The following ARHGEF18 variants were observed in gnomAD, a reference collection of about 807,000 sequenced individuals.
The protein encoded by ARHGEF18 is rho guanine nucleotide exchange factor 18.
ARHGEF18 carries 93 observed loss-of-function variants against 155.7 expected under a neutral mutation model. The observed-to-expected ratio is 0.60, with a 90% confidence interval of 0.50 to 0.71. The LOEUF (loss-of-function observed/expected upper bound fraction) is 0.71, where lower values mean the gene tolerates loss of function less well. Among genes scored for constraint, ARHGEF18 ranks in the 30% least tolerant of loss-of-function variants. ARHGEF18 has a pLI of 0.00. For missense variants in ARHGEF18, 1,593 were observed against 1,816.1 expected, an observed-to-expected ratio of 0.88 and a Z score of 2.23; for synonymous variants, 742 against 753.1, an observed-to-expected ratio of 0.99 and a Z score of 0.24.
chr19:7,397,188 A>G (rs1971760265), intron 10 of ARHGEF18, among the ~76,000 whole-genome samples: 1 of 151,508 alleles, frequency 6.6e-6, no homozygotes, highest in Non-Finnish European at 1.5e-5. Flanking sequence ...CATTTTTGTA[A>G]ACGTTACTTT....
chr19:7,476,083 G>A (rs774164404), downstream of ARHGEF18, among the ~76,000 whole-genome samples: 49 of 152,360 alleles, frequency 3.2e-4, no homozygotes, highest in Admixed American at 7.8e-4. Flanking sequence ...GGCCGAGGCA[G>A]GCAGCTCACT....
At position 7,463,442 on chromosome 19, in the gene ARHGEF18, G is replaced by A. The variant is rs1976412697; in HGVS notation, c.2636-376G>A. 2.0e-5 allele frequency among the ~76,000 whole-genome samples: 3 copies of A among 152,180 alleles called. No homozygotes were observed. In the South Asian group the frequency reaches 6.2e-4, roughly 31 times the overall value. ...ATATGGCCATTGTCACACAATCAGT[G>A]TATGGTCATTGTCATATAACACACC... On this transcript the variant is annotated intron_variant, in intron 21 of 28. Coordinates refer to ENST00000668164, the MANE Select transcript of ARHGEF18 (RefSeq NM_001367823.1). This position sits in a 1 kb window ranked among gnomAD's most constrained non-coding sequence, Gnocchi z 5.2.
At chr19:7,416,578 T>TGTGTGTGTGTGTGTG (rs1555714166) in intron 10 of ARHGEF18, among the ~76,000 whole-genome samples, 2 of 132,572 alleles carry the variant, frequency 1.5e-5, no homozygotes, top group African/African-American at 3.0e-5. Context: ...TGTGTGTGTG[T>TGTGTGTGTGTGTGTG]TTTGGGGTGG....
intron 1 of ARHGEF18, among the ~76,000 whole-genome samples, chr19:7,353,514 C>T (rs188554127): frequency 6.4e-4 from 94 of 147,890 alleles, no homozygotes; most frequent in African/African-American, 2.2e-3. Flanking sequence ...CACTTGAACC[C>T]GGGAGGCAGA....
chr19:7,460,344 G>A (rs1976137390), intron 20 of ARHGEF18, among the ~76,000 whole-genome samples: 1 of 151,960 alleles, frequency 6.6e-6, no homozygotes. Flanking sequence ...AATAGCACAG[G>A]GTCCCCACAG....
chr19:7,378,684 CTTTTTTTTTTTT>C (rs548305968), intron 6 of ARHGEF18, among the ~76,000 whole-genome samples: 9 of 88,134 alleles, frequency 1.0e-4, no homozygotes, highest in African/African-American at 2.1e-4. Context: ...ACAATTGTGG[CTTTTTTTTTTTT>C]TTTTTTTTTT....
chr19:7,357,786 G>A (rs1969370017), intron 1 of ARHGEF18, among the ~76,000 whole-genome samples: 1 of 152,038 alleles, frequency 6.6e-6, no homozygotes, highest in Non-Finnish European at 1.5e-5. Flanking sequence ...GCTTGAGAGA[G>A]GAGAACTGAG....
chr19:7,410,830 G>T (rs1242502994), intron 10 of ARHGEF18, among the ~76,000 whole-genome samples: 1 of 102,730 alleles, frequency 9.7e-6, no homozygotes, highest in Non-Finnish European at 2.1e-5. Context: ...AAAAAAAAAG[G>T]TTTTTCACCC....
the ARHGEF18 span, chr19:7,478,219 C>A: frequency 7.4e-7 from 1 of 1,354,114 alleles, no homozygotes; most frequent in Admixed American, 2.0e-5. Flanking sequence ...GCACAACAGT[C>A]CCCAGCATGG....
In ARHGEF18 at chr19:7,470,103, T is replaced by C; in HGVS notation, c.3914-23T>C. On this transcript the variant is annotated intron_variant, in intron 28 of 28. Transcript: ENST00000668164. This position sits in a 1 kb window ranked among gnomAD's most constrained non-coding sequence, Gnocchi z 5.9. Reference sequence around the variant, plus strand: ...GCGGCACCACCCGGCGACTGCTCAGTCTGAACCCTCTCTCTGTTCCAGACC... The same window carrying C: ...GCGGCACCACCCGGCGACTGCTCAGCCTGAACCCTCTCTCTGTTCCAGACC... The C allele has an allele frequency of 5.6e-6, 9 of 1,612,056 alleles. No homozygotes were observed. Among genetic ancestry groups the C allele is most frequent in the Non-Finnish European group, 7.6e-6 (9 of 1,179,618 alleles).
intron 1 of ARHGEF18, among the ~76,000 whole-genome samples, chr19:7,353,643 C>T (rs569069119): frequency 6.6e-6 from 1 of 151,460 alleles, no homozygotes; most frequent in Admixed American, 6.6e-5. Flanking sequence ...AATAGATATC[C>T]CTGTTGTATT....
At chr19:7,432,109 C>A (rs1974002634) in intron 10 of ARHGEF18, among the ~76,000 whole-genome samples, 1 of 151,906 alleles carries the variant, frequency 6.6e-6, no homozygotes, top group Non-Finnish European at 1.5e-5. Flanking sequence ...CCTTTTTATT[C>A]TTTTTAATAC....
chr19:7,383,085 G>A lies in ARHGEF18; in HGVS notation c.849G>A (p.Lys283=). ...KEKGKSPAHL[K]DKGQDARERR... is the part of the protein sequence containing the mutation. ...AGGGGAAGAGCCCAGCACATCTGAA[G>A]GACAAGGGCCAGGATGCACGAGAGA... The change falls in exon 10 of 29, where the codon AAG becomes AAA. Residue 283 remains lysine (K), a synonymous_variant. Transcript: ENST00000668164. 1 of 1,232,464 alleles carries A rather than the reference G, an allele frequency of 8.1e-7. No individual in the cohort carries two copies. Among genetic ancestry groups the A allele is most frequent in the Non-Finnish European group, 1.0e-6 (1 of 988,202 alleles). The allele number at this position is 1,232,464 out of a possible 1,614,324, so 76.3% of individuals were successfully genotyped here. A position where few individuals can be genotyped will look rare whatever the true frequency, so the allele number is the denominator to read the frequency against.
intron 10 of ARHGEF18, among the ~76,000 whole-genome samples, chr19:7,387,208 G>A (rs1454375874): frequency 1.3e-5 from 2 of 151,960 alleles, no homozygotes; most frequent in Admixed American, 6.6e-5. Flanking sequence ...GCTGGAGTAC[G>A]GTGGCGCGAT....
chr19:7,421,300 A>G (rs146333459), intron 10 of ARHGEF18, among the ~76,000 whole-genome samples: 2,638 of 152,310 alleles, frequency 0.017, 49 homozygotes, highest in African/African-American at 0.057. Context: ...CAATACAGTC[A>G]GCCCTCTGCA....
rs771278754 is a variant in ARHGEF18 at position 7,440,297 on chromosome 19, C to T, written c.968-47C>T. 1.3e-6 allele frequency: 2 copies of T among 1,588,508 alleles called. No individual in the cohort carries two copies. Among genetic ancestry groups the T allele is most frequent in the African/African-American group, 1.3e-5 (1 of 74,370 alleles). ...GCTTCCGCGCCGGGGACCTCCGCTA[C>T]CCGACCCACTTTCTCAGCACCAACT... On this transcript the variant is annotated intron_variant, in intron 10 of 28. Transcript: ENST00000668164. This position sits in a 1 kb window ranked among gnomAD's most constrained non-coding sequence, Gnocchi z 5.4.
intron 10 of ARHGEF18, among the ~76,000 whole-genome samples, chr19:7,421,995 C>A (rs995904158): frequency 7.9e-4 from 120 of 152,098 alleles, no homozygotes; most frequent in African/African-American, 2.5e-3. Context: ...TCCATCCGTG[C>A]CCGTGTTTAC....
At chr19:7,423,219 T>G (rs1973464252) in intron 10 of ARHGEF18, among the ~76,000 whole-genome samples, 1 of 152,130 alleles carries the variant, frequency 6.6e-6, no homozygotes, top group South Asian at 2.1e-4. Context: ...AGGAGAATAT[T>G]GTCCCATCTA....
chr19:7,474,440 G>A (rs917085845), downstream of ARHGEF18, among the ~76,000 whole-genome samples: 5 of 152,094 alleles, frequency 3.3e-5, no homozygotes, highest in East Asian at 3.9e-4. Context: ...GCAGTGGCAC[G>A]CTATCTTGAC....
Sources: gnomAD v4.1 joint callset for allele counts (sites outside exome capture counted in the v4.1 genomes callset) on GRCh38, gnomAD v4.1.1 for gene constraint, Gnocchi (gnomAD v3.1) non-coding constraint, MANE v1.5 for transcripts, NCBI Gene and HGNC (gene_info 2026-07-23, HGNC 2026-07-21) for gene names.